Variants in GRM7 observed in about 807,000 individuals in gnomAD.
GRM7 encodes the protein glutamate metabotropic receptor 7.
A neutral mutation model predicts 84.5 loss-of-function variants in GRM7; 35 were observed. That is an observed-to-expected ratio of 0.41 (90% confidence interval 0.32 to 0.55). The LOEUF is 0.55. GRM7 is among the 20% of genes least tolerant of loss of function. GRM7 has a pLI of 0.19. For missense variants in GRM7, 1,003 were observed against 1,194.6 expected (o/e 0.84, Z 2.36); for synonymous variants, 487 against 455.1 (o/e 1.07, Z -0.89).
At chr3:7,115,446 T>G (rs80351521) in intron 1 of GRM7, among the ~76,000 whole-genome samples, 2,203 of 152,280 alleles carry the variant, frequency 0.014, 48 homozygotes, top group African/African-American at 0.051. Context: ...TGTGTTGCTG[T>G]GAGTGCCAGT....
intron 2 of GRM7, among the ~76,000 whole-genome samples, chr3:7,276,769 T>C (rs1699074327): frequency 2.3e-4 from 1 of 4,300 alleles, no homozygotes; most frequent in African/African-American, 8.4e-4. Flanking sequence ...CTTTCTCCCT[T>C]CCTTCCTTCC....
chr3:6,983,913 A>G (rs776771579), intron 1 of GRM7, among the ~76,000 whole-genome samples: 12 of 152,154 alleles, frequency 7.9e-5, no homozygotes, highest in Admixed American at 2.6e-4. Context: ...ATATTTAACA[A>G]TGTATCTGTG....
chr3:7,103,087 G>GTTTT (rs745766183), intron 1 of GRM7, among the ~76,000 whole-genome samples: 2 of 151,584 alleles, frequency 1.3e-5, no homozygotes, highest in Non-Finnish European at 3.0e-5. Flanking sequence ...TAATGTAACT[G>GTTTT]TTTTTATCTT....
At chr3:7,395,107 C>T (rs1266935309) in intron 4 of GRM7, among the ~76,000 whole-genome samples, 2 of 151,828 alleles carry the variant, frequency 1.3e-5, no homozygotes, top group African/African-American at 2.4e-5. Flanking sequence ...ATTCAGTTCC[C>T]ATGTTACGAT....
chr3:7,343,090 C>A (rs1323489173), intron 4 of GRM7, among the ~76,000 whole-genome samples: 2 of 152,160 alleles, frequency 1.3e-5, no homozygotes, highest in Admixed American at 1.3e-4. Context: ...ATGTACATGG[C>A]AGCTACCCAA....
chr3:7,308,791 C>G (rs9825966), intron 4 of GRM7, among the ~76,000 whole-genome samples: 19,135 of 152,064 alleles, frequency 0.13, 3,394 homozygotes, highest in African/African-American at 0.4. Context: ...GCTGTGGATG[C>G]CATGTAGACA....
At chr3:7,067,412 C>T (rs1697708166) in intron 1 of GRM7, among the ~76,000 whole-genome samples, 1 of 151,938 alleles carries the variant, frequency 6.6e-6, no homozygotes, top group South Asian at 2.1e-4. Flanking sequence ...GAACTCAACC[C>T]TTTTTACAAT....
intron 4 of GRM7, among the ~76,000 whole-genome samples, chr3:7,404,038 A>G (rs376035092): frequency 6.6e-6 from 1 of 152,272 alleles, no homozygotes; most frequent in South Asian, 2.1e-4. Flanking sequence ...CTCAGGCCCA[A>G]CAGTAGAATC....
chr3:7,201,962 G>A (rs958765370), intron 2 of GRM7, among the ~76,000 whole-genome samples: 3 of 152,144 alleles, frequency 2.0e-5, no homozygotes, highest in East Asian at 1.9e-4. Context: ...ATGACTGACC[G>A]TTTTTGCTAT....
At chr3:7,020,259 G>T (rs775868605) in intron 1 of GRM7, among the ~76,000 whole-genome samples, 1 of 152,206 alleles carries the variant, frequency 6.6e-6, no homozygotes, top group Non-Finnish European at 1.5e-5. Flanking sequence ...AAACTGAAAA[G>T]CCTGTATACT....
chr3:6,916,730 G>A (rs970604561), intron 1 of GRM7, among the ~76,000 whole-genome samples: 1 of 152,080 alleles, frequency 6.6e-6, no homozygotes, highest in Non-Finnish European at 1.5e-5. Context: ...CTGGTGATTC[G>A]ATTTCGACAT....
intron 1 of GRM7, among the ~76,000 whole-genome samples, chr3:6,945,632 C>A (rs559504309): frequency 1.3e-5 from 2 of 152,142 alleles, no homozygotes; most frequent in East Asian, 1.9e-4. Context: ...CCTGAGGAAT[C>A]GCCACACCGA....
intron 2 of GRM7, among the ~76,000 whole-genome samples, chr3:7,156,830 A>G (rs543665648): frequency 5.2e-4 from 79 of 152,036 alleles, no homozygotes; most frequent in Non-Finnish European, 7.6e-4. Flanking sequence ...AATTTTTTTC[A>G]TTGTTGTTTT....
At chr3:7,354,656 G>A (rs891395628) in intron 4 of GRM7, among the ~76,000 whole-genome samples, 1 of 152,116 alleles carries the variant, frequency 6.6e-6, no homozygotes, top group South Asian at 2.1e-4. Flanking sequence ...TTCCTATTTG[G>A]TCTGTGAAGA....
chr3:7,014,197 A>G (rs941174230), intron 1 of GRM7, among the ~76,000 whole-genome samples: 1 of 152,194 alleles, frequency 6.6e-6, no homozygotes, highest in African/African-American at 2.4e-5. Flanking sequence ...ACCAAAACAA[A>G]TATCTCTGGA....
rs75984232 is a variant in GRM7 at position 7,231,348 on chromosome 3, T to C, written c.737-67336T>C. ...ATAGTGAGGTGTTGGCATTTAAATA[T>C]GTTTCTTTGAAATTTAATCAAATTG... On this transcript the variant is annotated intron_variant, in intron 2 of 9. Coordinates refer to ENST00000357716, the MANE Select transcript of GRM7 (RefSeq NM_000844.4). 3.8e-3 allele frequency among the ~76,000 whole-genome samples: 577 copies of C among 152,354 alleles called. 2 individuals carry two copies. The highest frequency in any genetic ancestry group is 0.013 in the African/African-American group (530 of 41,586).
At chr3:6,964,604 C>T (rs921558560) in intron 1 of GRM7, among the ~76,000 whole-genome samples, 2 of 152,110 alleles carry the variant, frequency 1.3e-5, no homozygotes, top group African/African-American at 4.8e-5. Context: ...TTTACACTTC[C>T]CCCAGAAATC....
chr3:7,284,567 G>A (rs1448790228), intron 2 of GRM7, among the ~76,000 whole-genome samples: 1 of 151,948 alleles, frequency 6.6e-6, no homozygotes, highest in Non-Finnish European at 1.5e-5. Context: ...GAAACCTAAG[G>A]CTAAATTTTC....
intron 9 of GRM7, among the ~76,000 whole-genome samples, chr3:7,738,888 T>C (rs2106532684): frequency 6.6e-6 from 1 of 152,280 alleles, no homozygotes; most frequent in Admixed American, 6.5e-5. Context: ...GTTTTCCTCC[T>C]TGTACCCAAA....
Sources: allele counts gnomAD v4.1 joint callset (sites outside exome capture counted in the v4.1 genomes callset), GRCh38; gene constraint gnomAD v4.1.1; transcripts MANE v1.5; gene names NCBI Gene and HGNC (gene_info 2026-07-23, HGNC 2026-07-21).